The following TCAIM variants were observed in gnomAD, a reference collection of about 807,000 sequenced individuals.
TCAIM encodes the protein T-cell activation inhibitor, mitochondrial.
In TCAIM, 36 loss-of-function variants were observed where a neutral mutation model predicts 58.6. That is an observed-to-expected ratio of 0.61 (90% confidence interval 0.47 to 0.81). The LOEUF (loss-of-function observed/expected upper bound fraction) is 0.81, where lower values mean the gene tolerates loss of function less well. Ranked by LOEUF, TCAIM falls within the 30% of genes least tolerant of loss-of-function variation. The probability of loss-of-function intolerance (pLI) is 0.00; values close to 1 mark genes in which losing one functional copy is unlikely to be tolerated. For missense variants in TCAIM, 466 were observed against 579.6 expected, an observed-to-expected ratio of 0.80 and a Z score of 2.01; for synonymous variants, 172 against 193.6, an observed-to-expected ratio of 0.89 and a Z score of 0.93.
intron 5 of TCAIM, among the ~76,000 whole-genome samples, chr3:44,383,524 C>T (rs536663419): frequency 4.6e-5 from 7 of 152,074 alleles, no homozygotes; most frequent in Admixed American, 2.0e-4. Context: ...AATAGAACAG[C>T]GGTTGCCAGG....
At chr3:44,372,007 AGAGAAG>A (rs1701478787) in intron 5 of TCAIM, among the ~76,000 whole-genome samples, 3 of 143,526 alleles carry the variant, frequency 2.1e-5, no homozygotes, top group Non-Finnish European at 4.5e-5. Context: ...AGAGAGAAAG[AGAGAAG>A]GAAGGAAGGA....
At chr3:44,356,229 T>A (rs776813618) in intron 2 of TCAIM, among the ~76,000 whole-genome samples, 2 of 152,182 alleles carry the variant, frequency 1.3e-5, no homozygotes, top group Non-Finnish European at 2.9e-5. Flanking sequence ...GACTTCATTA[T>A]AAAAAGCTTA....
At chr3:44,357,916 C>A (rs1439959832) in intron 3 of TCAIM, 40 bp downstream of exon 3, 1 of 1,600,846 alleles carries the variant, frequency 6.2e-7, no homozygotes, top group East Asian at 2.2e-5. Flanking sequence ...GTGTACATTT[C>A]TGCTTATTTA....
chr3:44,359,195 A>T, intron 3 of TCAIM: 4 of 499,966 alleles, frequency 8.0e-6, no homozygotes, highest in Non-Finnish European at 1.0e-5. Context: ...AGCCTGGGCA[A>T]CATAGTGAGT....
chr3:44,376,229 A>G (rs1187311286), intron 5 of TCAIM, among the ~76,000 whole-genome samples: 1 of 152,204 alleles, frequency 6.6e-6, no homozygotes, highest in Non-Finnish European at 1.5e-5. Context: ...ACTAAAATTG[A>G]CTGTGGTGGT....
intron 5 of TCAIM, among the ~76,000 whole-genome samples, chr3:44,377,246 G>A (rs1350972140): frequency 6.6e-6 from 1 of 152,014 alleles, no homozygotes; most frequent in South Asian, 2.1e-4. Flanking sequence ...AGACAAAATA[G>A]ACATTAAATT....
At chr3:44,362,528 C>CT in intron 4 of TCAIM, 1 of 400,340 alleles carries the variant, frequency 2.5e-6, no homozygotes, top group Non-Finnish European at 4.4e-6. Flanking sequence ...TATATGATCT[C>CT]TTACCTTTTA....
intron 8 of TCAIM, among the ~76,000 whole-genome samples, chr3:44,397,842 C>A (rs1701958142): frequency 6.6e-6 from 1 of 152,064 alleles, no homozygotes; most frequent in Non-Finnish European, 1.5e-5. Flanking sequence ...ATCCACATAT[C>A]TTCTTTAGTG....
In TCAIM at chr3:44,393,154, CTTATT is replaced by C. The variant is rs1701865779; in HGVS notation, c.695+181_695+185del. ...TGTGTAAGAAAACTCTTATTAATTT[CTTATT>C]TTAAATACTGAAATAAGGCTGTGCA... On this transcript the variant is annotated intron_variant, in intron 6 of 10. Transcript: ENST00000342649. Among the ~76,000 whole-genome samples, 9 of 152,220 alleles carry C rather than the reference CTTATT, an allele frequency of 5.9e-5. 2 individuals are homozygous for C. The highest frequency in any genetic ancestry group is 5.9e-4 in the Admixed American group (9 of 15,280).
intron 1 of TCAIM, 74 bp from the exon 2 acceptor site, chr3:44,354,665 G>A (rs1001171993): frequency 4.4e-5 from 43 of 986,450 alleles, no homozygotes; most frequent in Middle Eastern, 2.2e-4. Context: ...ATTTTGGGGT[G>A]ATAATATAAA....
intron 10 of TCAIM, 37 bp downstream of exon 10, chr3:44,401,371 C>G (rs750870296): frequency 2.5e-6 from 4 of 1,610,466 alleles, no homozygotes; most frequent in Non-Finnish European, 2.5e-6. Flanking sequence ...TCAGATCATT[C>G]AGTCTAACTG....
intron 1 of TCAIM, among the ~76,000 whole-genome samples, chr3:44,350,282 G>T (rs1701060832): frequency 6.6e-6 from 1 of 152,120 alleles, no homozygotes; most frequent in African/African-American, 2.4e-5. Flanking sequence ...GTTTCACGAG[G>T]TAATGTCATC....
chr3:44,372,587 CT>C (rs908759306), intron 5 of TCAIM, among the ~76,000 whole-genome samples: 119 of 141,930 alleles, frequency 8.4e-4, no homozygotes, highest in East Asian at 5.5e-3. Flanking sequence ...TCAAAACTTT[CT>C]TTTTTTTTTT....
At chr3:44,403,838 G>A (rs1702059041) in intron 10 of TCAIM, among the ~76,000 whole-genome samples, 1 of 151,920 alleles carries the variant, frequency 6.6e-6, no homozygotes, top group Non-Finnish European at 1.5e-5. Flanking sequence ...GCTGCACCTG[G>A]TCTGAGCCTC....
chr3:44,369,934 G>A (rs1488002938), intron 5 of TCAIM, among the ~76,000 whole-genome samples: 1 of 152,176 alleles, frequency 6.6e-6, no homozygotes, highest in African/African-American at 2.4e-5. Flanking sequence ...AGCAATAGAA[G>A]TCACTTAGCA....
In TCAIM at chr3:44,400,533, G is replaced by A. The variant is rs1448959717; in HGVS notation, c.1064G>A (p.Ser355Asn). ...LDVFYNRLLK[S>N]RILFHPRSLR... ...GTGTTTTATAATAGACTGTTGAAAAGTAGAATACTATTTCACCCTCGAAGT... is the reference window on the plus strand; with the variant it reads ...GTGTTTTATAATAGACTGTTGAAAAATAGAATACTATTTCACCCTCGAAGT... Residue 355 changes from serine to asparagine, a missense_variant, in exon 9 of 11, where the codon AGT (serine) becomes AAT (asparagine). Transcript: ENST00000342649. The A allele has an allele frequency of 6.2e-7, 1 of 1,613,660 alleles. No individual in the cohort carries two copies. Among genetic ancestry groups the A allele is most frequent in the South Asian group, 1.1e-5 (1 of 91,062 alleles).
Position 44,406,044 on chromosome 3 carries a change from G to T in TCAIM, c.1251-1398G>T, listed in dbSNP as rs138088374. On this transcript the variant is annotated intron_variant, in intron 10 of 10. Transcript: ENST00000342649. ...GGTACACGTTATTTTCCTGTTGAGGGGACAACCCTGGGCAACCTTAACAAG... is the reference window on the plus strand; with the variant it reads ...GGTACACGTTATTTTCCTGTTGAGGTGACAACCCTGGGCAACCTTAACAAG... Among the ~76,000 whole-genome samples, 893 of 152,210 alleles carry T rather than the reference G, an allele frequency of 5.9e-3. 10 individuals are homozygous for T. Among genetic ancestry groups the T allele is most frequent in the African/African-American group, 0.021 (852 of 41,538 alleles).
intron 4 of TCAIM, among the ~76,000 whole-genome samples, chr3:44,364,819 AT>A (rs1442271852): frequency 1.3e-5 from 2 of 151,940 alleles, no homozygotes; most frequent in African/African-American, 4.8e-5. Context: ...TTTTTTGCCC[AT>A]TAATTTTTTT....
rs779269959 is a variant in TCAIM at position 44,367,643 on chromosome 3, C to G, written c.507C>G (p.Ser169=). ...TCAAATGGGACAAGTCTTATTACTCCTTTACTGGATTCAAGGACCCTGATG... is the reference window on the plus strand; with the variant it reads ...TCAAATGGGACAAGTCTTATTACTCGTTTACTGGATTCAAGGACCCTGATG... ...RPIKWDKSYY[S]FTGFKDPDED... The change falls in exon 5 of 11, where the codon TCC becomes TCG. Residue 169 remains serine, a synonymous_variant. Transcript: ENST00000342649. 7 of 1,614,096 alleles carry G rather than the reference C, an allele frequency of 4.3e-6. No homozygotes were observed. Among genetic ancestry groups the G allele is most frequent in the Non-Finnish European group, 8.5e-7 (1 of 1,179,990 alleles).
Sources: gnomAD v4.1 joint callset for allele counts (sites outside exome capture counted in the v4.1 genomes callset) on GRCh38, gnomAD v4.1.1 for gene constraint, MANE v1.5 for transcripts, NCBI Gene and HGNC (gene_info 2026-07-23, HGNC 2026-07-21) for gene names.